VPS41: variants seen among roughly 807,000 people sequenced by gnomAD.
VPS41 encodes VPS41 subunit of HOPS complex.
A neutral mutation model predicts 130.9 loss-of-function variants in VPS41; 85 were observed. The ratio of observed to expected loss-of-function variants is 0.65; its 90% CI spans 0.55 to 0.78. The LOEUF (loss-of-function observed/expected upper bound fraction) is 0.78, where lower values mean the gene tolerates loss of function less well. VPS41 is among the 30% of genes least tolerant of loss of function. VPS41 has a pLI of 0.00. For synonymous variants in VPS41, 335 were observed against 332.9 expected (o/e 1.01, Z -0.07); for missense variants, 874 against 1,018.7 (o/e 0.86, Z 1.93).
chr7:38,879,924 C>T (rs1786569441), intron 2 of VPS41, among the ~76,000 whole-genome samples: 2 of 151,358 alleles, frequency 1.3e-5, no homozygotes, highest in Non-Finnish European at 2.9e-5. Flanking sequence ...GAAAATTATC[C>T]AAAATCCTAC....
At chr7:38,889,544 C>G (rs953870763) in intron 2 of VPS41, among the ~76,000 whole-genome samples, 14 of 95,708 alleles carry the variant, frequency 1.5e-4, no homozygotes, top group Admixed American at 1.0e-3. Context: ...GTTAAAAAAA[C>G]AAAACAAAAC....
chr7:38,810,940 T>C lies in VPS41; in HGVS notation c.450+6877A>G, dbSNP rs1784932081. 2.0e-5 allele frequency among the ~76,000 whole-genome samples: 3 copies of C among 152,150 alleles called. No homozygotes were observed. The South Asian group carries it at 6.2e-4, about 31-fold the overall frequency. On this transcript the variant is annotated intron_variant, in intron 7 of 28. Transcript: ENST00000310301. ...TCTGCTGCTAGTTTAAAATTGCAGC[T>C]GAAAGGATTGAAGTAGCTACTGAGC...
intron 4 of VPS41, among the ~76,000 whole-genome samples, chr7:38,853,910 G>A (rs1477098490): frequency 6.6e-6 from 1 of 152,216 alleles, no homozygotes; most frequent in Non-Finnish European, 1.5e-5. Flanking sequence ...TACTCTAAAA[G>A]AGAGAAGCAT....
At chr7:38,834,700 A>C (rs1785458005) in intron 4 of VPS41, among the ~76,000 whole-genome samples, 1 of 152,148 alleles carries the variant, frequency 6.6e-6, no homozygotes, top group Non-Finnish European at 1.5e-5. Context: ...AAATTTAAGA[A>C]GATCAAAAAG....
intron 22 of VPS41, among the ~76,000 whole-genome samples, chr7:38,749,416 T>C (rs867495203): frequency 3.9e-5 from 6 of 152,098 alleles, no homozygotes; most frequent in Admixed American, 1.3e-4. Flanking sequence ...ACAACCAAAA[T>C]TAGAAAGATA....
At position 38,817,822 on chromosome 7, in the gene VPS41, TC is replaced by T; in HGVS notation, c.444del (p.Lys149ArgfsTer11). The T allele has an allele frequency of 3.7e-6, 6 of 1,613,918 alleles. No homozygotes were observed. Among genetic ancestry groups the T allele is most frequent in the Non-Finnish European group, 5.1e-6 (6 of 1,179,830 alleles). ...TAGAGACACACAGCACTTACCTTCT[TC>T]CCTCCGGTCACAAACTGCTTGCAAC... Reference protein sequence around the residue: ...RSSCKQFVTGGKKLLLFERSW... With the variant: ...RSSCKQFVTGXKKLLLFERSW... On this transcript the variant is annotated frameshift_variant, in exon 7 of 29. Coordinates refer to ENST00000310301, the MANE Select transcript of VPS41 (RefSeq NM_014396.4). LOFTEE classifies it high-confidence loss of function.
chr7:38,777,198 G>A (rs1377543535), intron 10 of VPS41, among the ~76,000 whole-genome samples: 1 of 152,008 alleles, frequency 6.6e-6, no homozygotes, highest in Admixed American at 6.5e-5. Context: ...TAGTACAAAG[G>A]TCACAAAGAA....
intron 9 of VPS41, among the ~76,000 whole-genome samples, chr7:38,790,122 A>G (rs1450512893): frequency 6.6e-6 from 1 of 152,192 alleles, no homozygotes; most frequent in Non-Finnish European, 1.5e-5. Flanking sequence ...CCTGAAGTCA[A>G]GTACTAATCC....
intron 6 of VPS41, among the ~76,000 whole-genome samples, chr7:38,819,333 C>T (rs1429705800): frequency 1.3e-5 from 2 of 152,216 alleles, no homozygotes; most frequent in Non-Finnish European, 2.9e-5. Context: ...AGTGCTGCTC[C>T]AAGAAGCATT....
chr7:38,882,710 C>A (rs1786639431), intron 2 of VPS41, among the ~76,000 whole-genome samples: 1 of 152,206 alleles, frequency 6.6e-6, no homozygotes, highest in Admixed American at 6.5e-5. Flanking sequence ...TCCAATTGCT[C>A]ATCCTTGACT....
At chr7:38,831,318 A>G in intron 4 of VPS41, 2 of 442,492 alleles carry the variant, frequency 4.5e-6, no homozygotes, top group Non-Finnish European at 9.2e-6. Flanking sequence ...TACTGTCCAC[A>G]TGCAGCCTTT....
At chr7:38,786,254 T>C (rs1402764759) in intron 10 of VPS41, among the ~76,000 whole-genome samples, 1 of 152,216 alleles carries the variant, frequency 6.6e-6, no homozygotes, top group Non-Finnish European at 1.5e-5. Context: ...CTAACCCTTC[T>C]GAACATCAGC....
intron 7 of VPS41, among the ~76,000 whole-genome samples, chr7:38,803,192 T>G (rs1257779807): frequency 6.6e-6 from 1 of 152,222 alleles, no homozygotes; most frequent in Non-Finnish European, 1.5e-5. Flanking sequence ...GGCAAGATTC[T>G]TATCAGGCTG....
At chr7:38,750,330 G>A (rs1783641809) in intron 22 of VPS41, among the ~76,000 whole-genome samples, 1 of 152,168 alleles carries the variant, frequency 6.6e-6, no homozygotes, top group Non-Finnish European at 1.5e-5. Flanking sequence ...AATCTCTTAT[G>A]AAGAAGTCTC....
rs569927361 is a variant in VPS41 at position 38,737,484 on chromosome 7, G to A, written c.2259+4501C>T. ...AAGAGTAATGGCAAGCATTACCCAT[G>A]AAAAGAAAACTTAAAACTGCCAAAT... is the stretch of plus-strand genomic sequence containing the variant. On this transcript the variant is annotated intron_variant, in intron 25 of 28. Coordinates refer to ENST00000310301, the MANE Select transcript of VPS41 (RefSeq NM_014396.4). 1.1e-3 allele frequency among the ~76,000 whole-genome samples: 164 copies of A among 152,284 alleles called. 1 individual carries two copies. The highest frequency in any genetic ancestry group is 3.9e-3 in the African/African-American group (162 of 41,568).
chr7:38,856,730 A>C (rs751048617), intron 4 of VPS41, among the ~76,000 whole-genome samples: 3 of 152,224 alleles, frequency 2.0e-5, no homozygotes, highest in African/African-American at 2.4e-5. Flanking sequence ...CAAGTGAAAT[A>C]GTAGTAATAT....
rs1557941 is a variant in VPS41 at position 38,789,747 on chromosome 7, C to T, written c.784+54G>A. 117,142 of 1,591,256 alleles carry T rather than the reference C, an allele frequency of 0.074. 6,733 individuals are homozygous for T. The highest frequency in any genetic ancestry group is 0.3 in the African/African-American group (22,423 of 74,178). On this transcript the variant is annotated intron_variant, in intron 10 of 28. Coordinates refer to ENST00000310301, the MANE Select transcript of VPS41 (RefSeq NM_014396.4). Reference sequence around the variant, plus strand: ...GCAGTCTGGGTGAGATTAATGAAGACGAAAATTTTGAATGAAGTTTTACAT... The same window carrying T: ...GCAGTCTGGGTGAGATTAATGAAGATGAAAATTTTGAATGAAGTTTTACAT...
At chr7:38,857,448 C>G (rs1786010929) in intron 4 of VPS41, among the ~76,000 whole-genome samples, 1 of 152,218 alleles carries the variant, frequency 6.6e-6, no homozygotes, top group Non-Finnish European at 1.5e-5. Context: ...TGCTCTCTCA[C>G]TAGCACACTT....
At chr7:38,729,645 C>T (rs1319689553) in intron 25 of VPS41, among the ~76,000 whole-genome samples, 1 of 152,198 alleles carries the variant, frequency 6.6e-6, no homozygotes, top group African/African-American at 2.4e-5. Context: ...CATCACAATG[C>T]TTTGGCAGCC....
Sources: allele counts gnomAD v4.1 joint callset (sites outside exome capture counted in the v4.1 genomes callset), GRCh38; gene constraint gnomAD v4.1.1; transcripts MANE v1.5; gene names NCBI Gene and HGNC (gene_info 2026-07-23, HGNC 2026-07-21).